CACNG3: variants seen among roughly 807,000 people sequenced by gnomAD.
The protein encoded by CACNG3 is calcium voltage-gated channel auxiliary subunit gamma 3.
In CACNG3, 3 loss-of-function variants were observed where a neutral mutation model predicts 28.5. The observed-to-expected ratio is 0.11, with a 90% CI of 0.05 to 0.27. The LOEUF is 0.27. Ranked by LOEUF, CACNG3 falls within the 10% of genes least tolerant of loss-of-function variation. The pLI, the probability that CACNG3 is intolerant of heterozygous loss-of-function variation, is 1.00. For synonymous variants in CACNG3, 174 were observed against 162.2 expected, an observed-to-expected ratio of 1.07 and a Z score of -0.55; for missense variants, 236 against 414.4, an observed-to-expected ratio of 0.57 and a Z score of 3.74.
chr16:24,299,731 G>A (rs1899081013), intron 1 of CACNG3, among the ~76,000 whole-genome samples: 1 of 152,076 alleles, frequency 6.6e-6, no homozygotes, highest in Non-Finnish European at 1.5e-5. Context: ...TGTTTATTCA[G>A]TTGAATCCAG....
chr16:24,283,159 C>T (rs1029239979), intron 1 of CACNG3, among the ~76,000 whole-genome samples: 2 of 152,090 alleles, frequency 1.3e-5, no homozygotes, highest in Non-Finnish European at 2.9e-5. Flanking sequence ...GCGCCTTCTT[C>T]TCTGCTATCC....
chr16:24,259,571 T>C (rs1898511995), intron 1 of CACNG3, among the ~76,000 whole-genome samples: 1 of 152,230 alleles, frequency 6.6e-6, no homozygotes, highest in South Asian at 2.1e-4. Context: ...TGTTCTTCTG[T>C]GCTTTTTTAA....
chr16:24,271,579 G>C (rs1180519083), intron 1 of CACNG3, among the ~76,000 whole-genome samples: 1 of 152,178 alleles, frequency 6.6e-6, no homozygotes, highest in East Asian at 1.9e-4. Context: ...TGCAAAGTGA[G>C]TGATTTGAAT....
At chr16:24,326,176 T>TTTTTC in intron 1 of CACNG3, among the ~76,000 whole-genome samples, 1 of 12,334 alleles carries the variant, frequency 8.1e-5, no homozygotes, top group Non-Finnish European at 2.2e-4. Flanking sequence ...TCTTTTTTCT[T>TTTTTC]TTTTTTTTTT....
At chr16:24,357,031 T>C (rs1158495005) in intron 3 of CACNG3, among the ~76,000 whole-genome samples, 3 of 152,012 alleles carry the variant, frequency 2.0e-5, no homozygotes, top group African/African-American at 4.8e-5. Context: ...GGTCAGGAGT[T>C]TGAGACAATC....
intron 1 of CACNG3, among the ~76,000 whole-genome samples, chr16:24,270,272 A>G (rs1898669226): frequency 6.6e-6 from 1 of 152,232 alleles, no homozygotes; most frequent in Admixed American, 6.5e-5. Flanking sequence ...GCAGTTAATA[A>G]AGATGTATAT....
chr16:24,279,648 C>G (rs1488698288), intron 1 of CACNG3, among the ~76,000 whole-genome samples: 1 of 152,066 alleles, frequency 6.6e-6, no homozygotes, highest in African/African-American at 2.4e-5. Flanking sequence ...ATGCAATAAT[C>G]CCATAGCAAT....
chr16:24,311,034 C>A (rs1899254413), intron 1 of CACNG3, among the ~76,000 whole-genome samples: 1 of 152,168 alleles, frequency 6.6e-6, no homozygotes, highest in South Asian at 2.1e-4. Context: ...AAGCAGGAAG[C>A]CAGCCCAGGG....
chr16:24,268,580 T>C (rs145722094), intron 1 of CACNG3, among the ~76,000 whole-genome samples: 3 of 152,286 alleles, frequency 2.0e-5, no homozygotes, highest in East Asian at 3.9e-4. Flanking sequence ...GGAAAATAAA[T>C]GGTAAAGCCA....
At chr16:24,358,214 C>T (rs1446057231) in intron 3 of CACNG3, among the ~76,000 whole-genome samples, 1 of 152,240 alleles carries the variant, frequency 6.6e-6, no homozygotes, top group Non-Finnish European at 1.5e-5. Flanking sequence ...TAATTGAGCA[C>T]CTACTACGTG....
At chr16:24,344,698 G>C (rs868133892) in intron 1 of CACNG3, among the ~76,000 whole-genome samples, 6 of 152,252 alleles carry the variant, frequency 3.9e-5, no homozygotes, top group Middle Eastern at 6.8e-3. Flanking sequence ...CCTGGTAAGC[G>C]GAGAATCAGA....
intron 1 of CACNG3, among the ~76,000 whole-genome samples, chr16:24,305,824 C>A (rs1331513693): frequency 3.9e-5 from 6 of 152,202 alleles, no homozygotes; most frequent in Middle Eastern, 3.4e-3. Flanking sequence ...TAAAAAAGAA[C>A]TTTAAAAAGA....
chr16:24,300,856 A>G (rs963246068), intron 1 of CACNG3, among the ~76,000 whole-genome samples: 17 of 152,110 alleles, frequency 1.1e-4, no homozygotes, highest in African/African-American at 4.1e-4. Context: ...GTTTGACACC[A>G]GCTTGGCCAA....
intron 2 of CACNG3, among the ~76,000 whole-genome samples, chr16:24,351,690 GAA>G (rs1899946217): frequency 7.3e-6 from 1 of 137,426 alleles, no homozygotes; most frequent in Non-Finnish European, 1.6e-5. Context: ...AAGAAGGAAA[GAA>G]AGAAAGAGAA....
intron 1 of CACNG3, among the ~76,000 whole-genome samples, chr16:24,296,481 G>T (rs900097933): frequency 6.6e-6 from 1 of 152,156 alleles, no homozygotes; most frequent in African/African-American, 2.4e-5. Context: ...GGACTGTGGC[G>T]ATACTACCGT....
intron 1 of CACNG3, among the ~76,000 whole-genome samples, chr16:24,311,167 G>A (rs770338795): frequency 8.5e-5 from 13 of 152,172 alleles, no homozygotes; most frequent in South Asian, 2.1e-4. Flanking sequence ...TGTAAAACGC[G>A]GACAGTGTTA....
rs1435860594 is a variant in CACNG3, at chr16:24,257,400, A to G, written c.211+435A>G. On this transcript the variant is annotated intron_variant, in intron 1 of 3. Coordinates refer to ENST00000005284, the MANE Select transcript of CACNG3 (RefSeq NM_006539.4). ...GAGAGAGAGAGAGAGAGAGAGAGAG[A>G]GAGAGAGAGAGAGAGAGAGAGAGAG... 2.1e-5 allele frequency among the ~76,000 whole-genome samples: 3 copies of G among 145,932 alleles called. No homozygotes were observed. In the East Asian group the frequency reaches 6.1e-4, roughly 30 times the overall value.
At chr16:24,266,825 C>T (rs1351253592) in intron 1 of CACNG3, among the ~76,000 whole-genome samples, 4 of 152,152 alleles carry the variant, frequency 2.6e-5, no homozygotes, top group Non-Finnish European at 5.9e-5. Flanking sequence ...CAAGTCTGCC[C>T]TTCTTCCTGG....
intron 1 of CACNG3, among the ~76,000 whole-genome samples, chr16:24,307,083 T>A (rs951642222): frequency 1.3e-5 from 2 of 152,294 alleles, no homozygotes; most frequent in East Asian, 1.9e-4. Flanking sequence ...TAGAGGTTCA[T>A]CTAGCTTGCC....
Sources: allele counts gnomAD v4.1 joint callset (sites outside exome capture counted in the v4.1 genomes callset), GRCh38; gene constraint gnomAD v4.1.1; transcripts MANE v1.5; gene names NCBI Gene and HGNC (gene_info 2026-07-23, HGNC 2026-07-21).